PARD3: variants seen among roughly 807,000 people sequenced by gnomAD.
The protein encoded by PARD3 is par-3 family cell polarity regulator, also known as partitioning defective 3 homolog.
PARD3 carries 75 observed loss-of-function variants against 155.4 expected under a neutral mutation model. The observed-to-expected ratio is 0.48, with a 90% CI of 0.40 to 0.58. PARD3 has a LOEUF of 0.58. PARD3 is among the 20% of genes least tolerant of loss of function. The pLI is 0.00. For missense variants in PARD3, 1,642 were observed against 1,721.7 expected, an observed-to-expected ratio of 0.95 and a Z score of 0.82; for synonymous variants, 576 against 610.5, an observed-to-expected ratio of 0.94 and a Z score of 0.83.
chr10:34,814,646 G>C (rs1476153782), intron 1 of PARD3, among the ~76,000 whole-genome samples: 1 of 151,912 alleles, frequency 6.6e-6, no homozygotes, highest in African/African-American at 2.4e-5. Flanking sequence ...CGGAGGGTGA[G>C]GGCGGGGGCC....
chr10:34,125,816 C>T (rs993379941), intron 23 of PARD3, among the ~76,000 whole-genome samples: 2 of 152,224 alleles, frequency 1.3e-5, no homozygotes, highest in Non-Finnish European at 2.9e-5. Context: ...TCACTCCCAA[C>T]CTGGGATGGA....
chr10:34,519,292 CTTTT>C (rs1025948130), intron 2 of PARD3, among the ~76,000 whole-genome samples: 1 of 152,010 alleles, frequency 6.6e-6, no homozygotes, highest in Non-Finnish European at 1.5e-5. Flanking sequence ...GAGTTTCTTT[CTTTT>C]GATAATTGTT....
chr10:34,369,621 A>G (rs903041057), intron 12 of PARD3, among the ~76,000 whole-genome samples: 3 of 152,184 alleles, frequency 2.0e-5, no homozygotes, highest in African/African-American at 7.2e-5. Flanking sequence ...TGTATAAATC[A>G]CATATAGTTC....
In PARD3 at chr10:34,815,035, C is replaced by T. The variant is rs1428301237; in HGVS notation, c.-40G>A. ...GGGCGGGCCCGCGCCCCTCGCCGAG[C>T]GCAGCCGGAGCAGCCGAGGCCGGGA... On this transcript the variant is annotated 5_prime_UTR_variant, in exon 1 of 25. Coordinates refer to ENST00000374788, the MANE Select transcript of PARD3 (RefSeq NM_001184785.2). The T allele has an allele frequency of 9.6e-6, 13 of 1,351,820 alleles. No homozygotes were observed. Among genetic ancestry groups the T allele is most frequent in the Non-Finnish European group, 9.6e-7 (1 of 1,045,408 alleles). The allele number at this position is 1,351,820 out of a possible 1,614,324, so 83.7% of individuals were successfully genotyped here. A position where few individuals can be genotyped will look rare whatever the true frequency, so the allele number is the denominator to read the frequency against.
At chr10:34,620,348 A>T (rs927813308) in intron 2 of PARD3, among the ~76,000 whole-genome samples, 3 of 152,226 alleles carry the variant, frequency 2.0e-5, no homozygotes, top group Non-Finnish European at 2.9e-5. Flanking sequence ...CTGGAAACCA[A>T]GAGGTTTTTT....
chr10:34,313,422 T>C (rs1957812057), intron 20 of PARD3, among the ~76,000 whole-genome samples: 1 of 152,216 alleles, frequency 6.6e-6, no homozygotes, highest in Admixed American at 6.6e-5. Context: ...TTTGATTCCT[T>C]ATAGATTTAA....
intron 1 of PARD3, among the ~76,000 whole-genome samples, chr10:34,719,625 G>A (rs769328201): frequency 2.6e-5 from 4 of 152,242 alleles, no homozygotes; most frequent in African/African-American, 9.6e-5. Context: ...AGACCTGCTC[G>A]ATATCATACA....
chr10:34,348,086 A>G lies in PARD3; in HGVS notation c.2097T>C (p.Pro699=). 6.2e-7 allele frequency: 1 copy of G among 1,611,040 alleles called. No individual in the cohort carries two copies. The highest frequency in any genetic ancestry group is 8.5e-7 in the Non-Finnish European group (1 of 1,178,532). Residue 699 remains proline, a synonymous_variant, in exon 15 of 25, where the codon CCT becomes CCC. Transcript: ENST00000374788. The stretch of plus-strand genomic sequence containing the variant: ...CCAACGCTGTTTCAATGGGCAGCTC[A>G]GGTCCAGGGGGGCTCCCAGGTGACT... ...ELKSPGSPPG[P]ELPIETALDD... is the part of the protein sequence containing the mutation.
In PARD3 at chr10:34,665,840, AAGAACAGAACAGAACAGAAC is replaced by A. The variant is rs60764123; in HGVS notation, c.222+30458_222+30477del. Among the ~76,000 whole-genome samples, 463 of 136,682 alleles carry A rather than the reference AAGAACAGAACAGAACAGAAC, an allele frequency of 3.4e-3. 2 individuals carry two copies. The highest frequency in any genetic ancestry group is 6.1e-3 in the East Asian group (29 of 4,770). 89.7% of individuals were successfully genotyped at this position (136,682 alleles called of 152,430 possible). ...GCTTTTTGAGACTTCGTCTCAATTA[AAGAACAGAACAGAACAGAAC>A]AGAACAGAACAGAACAGAACAGAAC... is the stretch of plus-strand genomic sequence containing the variant. On this transcript the variant is annotated intron_variant, in intron 2 of 24. Coordinates refer to ENST00000374788, the MANE Select transcript of PARD3 (RefSeq NM_001184785.2).
Position 34,642,046 on chromosome 10 carries a change from AC to A in PARD3, c.222+54271del, listed in dbSNP as rs139707305. Reference sequence around the variant, plus strand: ...ACACTGCCCAGAGCCCACCGGGGGCACATCACCCCTGCGGGCAGTATCCACT... The same window carrying A: ...ACACTGCCCAGAGCCCACCGGGGGCAATCACCCCTGCGGGCAGTATCCACT... On this transcript the variant is annotated intron_variant, in intron 2 of 24. Transcript: ENST00000374788. Among the ~76,000 whole-genome samples the A allele has an allele frequency of 3.4e-3, 522 of 152,154 alleles. 10 individuals are homozygous for A. Among genetic ancestry groups the A allele is most frequent in the Admixed American group, 0.023 (358 of 15,294 alleles).
chr10:34,405,071 CAAACACAA>C (rs1388791754), intron 5 of PARD3, among the ~76,000 whole-genome samples: 1 of 68,040 alleles, frequency 1.5e-5, no homozygotes, highest in Non-Finnish European at 2.4e-5. Context: ...GACCCCATCA[CAAACACAA>C]ACACACACAC....
At chr10:34,603,443 C>T (rs2089961306) in intron 2 of PARD3, among the ~76,000 whole-genome samples, 1 of 152,228 alleles carries the variant, frequency 6.6e-6, no homozygotes, top group Non-Finnish European at 1.5e-5. Context: ...ATTGTCTCTT[C>T]TGCCTAATTT....
intron 1 of PARD3, among the ~76,000 whole-genome samples, chr10:34,763,239 T>G (rs1837670197): frequency 6.6e-6 from 1 of 152,216 alleles, no homozygotes; most frequent in Non-Finnish European, 1.5e-5. Context: ...GGGTCAGAAA[T>G]TTGTCTATAA....
At chr10:34,606,141 CATAT>C (rs1418484633) in intron 2 of PARD3, among the ~76,000 whole-genome samples, 3 of 132,180 alleles carry the variant, frequency 2.3e-5, no homozygotes, top group East Asian at 2.2e-4. Context: ...TATTACTATA[CATAT>C]ATAAAGGGAA....
At chr10:34,600,962 A>ATTTTTTTT (rs1028271994) in intron 2 of PARD3, among the ~76,000 whole-genome samples, 6 of 90,066 alleles carry the variant, frequency 6.7e-5, no homozygotes, top group Non-Finnish European at 1.0e-4. Flanking sequence ...CATTTTTTTA[A>ATTTTTTTT]TTTTTTTTTT....
At chr10:34,261,532 T>C (rs1265911803) in intron 22 of PARD3, among the ~76,000 whole-genome samples, 1 of 151,500 alleles carries the variant, frequency 6.6e-6, no homozygotes, top group Non-Finnish European at 1.5e-5. Context: ...CTACTAAAAA[T>C]ACAAAAATTA....
intron 1 of PARD3, among the ~76,000 whole-genome samples, chr10:34,742,863 G>C (rs1346105672): frequency 6.6e-6 from 1 of 152,144 alleles, no homozygotes; most frequent in Non-Finnish European, 1.5e-5. Flanking sequence ...GGCACAGCAG[G>C]CCACAACATC....
chr10:34,484,196 T>C (rs2079284530), intron 3 of PARD3, among the ~76,000 whole-genome samples: 2 of 152,184 alleles, frequency 1.3e-5, no homozygotes, highest in African/African-American at 2.4e-5. Flanking sequence ...ACTGGAAACA[T>C]ATTAGTCAAG....
chr10:34,458,001 C>A (rs1296065564), intron 4 of PARD3, among the ~76,000 whole-genome samples: 4 of 152,098 alleles, frequency 2.6e-5, no homozygotes, highest in African/African-American at 7.2e-5. Context: ...TATCTAGTCA[C>A]TGCTACACAA....
Sources: allele counts gnomAD v4.1 joint callset (sites outside exome capture counted in the v4.1 genomes callset), GRCh38; gene constraint gnomAD v4.1.1; transcripts MANE v1.5; gene names NCBI Gene and HGNC (gene_info 2026-07-23, HGNC 2026-07-21).